Variants in TMCO5A observed in about 807,000 individuals in gnomAD.
The protein encoded by TMCO5A is transmembrane and coiled-coil domains 5A.
A neutral mutation model predicts 42.3 loss-of-function variants in TMCO5A; 34 were observed. The observed-to-expected ratio is 0.80, with a 90% CI of 0.61 to 1.07. The LOEUF is 1.07. Ranked by LOEUF, TMCO5A falls within the 50% of genes least tolerant of loss-of-function variation. TMCO5A has a pLI of 0.00. For missense variants in TMCO5A, 357 were observed against 327.9 expected (o/e 1.09, Z -0.69); for synonymous variants, 131 against 115.6 (o/e 1.13, Z -0.86).
At chr15:37,984,488 A>G in the TMCO5A span, among the ~76,000 whole-genome samples, 3 of 152,152 alleles carry the variant, frequency 2.0e-5, no homozygotes, top group South Asian at 4.1e-4. Flanking sequence ...AATATCCAGT[A>G]AAATCTGCCA....
intron 11 of TMCO5A, among the ~76,000 whole-genome samples, chr15:37,948,687 T>C (rs1240354345): frequency 6.6e-6 from 1 of 152,124 alleles, no homozygotes; most frequent in Non-Finnish European, 1.5e-5. Context: ...CCTGAAAGTC[T>C]AGCTAATCAT....
chr15:37,944,683 C>T (rs1889871235), intron 10 of TMCO5A, among the ~76,000 whole-genome samples: 1 of 152,042 alleles, frequency 6.6e-6, no homozygotes, highest in Non-Finnish European at 1.5e-5. Flanking sequence ...GTTCCTCCCA[C>T]CTCAACCTCC....
chr15:37,935,501 A>G (rs7174635), intron 2 of TMCO5A, among the ~76,000 whole-genome samples, 153 bp downstream of exon 2: 1 of 151,886 alleles, frequency 6.6e-6, no homozygotes, highest in Admixed American at 6.6e-5. Flanking sequence ...CCAAGATAGG[A>G]CTTAACTTTC....
chr15:38,036,705 C>T, the TMCO5A span, among the ~76,000 whole-genome samples: 1 of 152,110 alleles, frequency 6.6e-6, no homozygotes, highest in Non-Finnish European at 1.5e-5. Context: ...CGTCAAGACC[C>T]AACTAAAACA....
chr15:37,943,664 G>T, intron 10 of TMCO5A: 1 of 420,760 alleles, frequency 2.4e-6, no homozygotes, highest in Non-Finnish European at 4.3e-6. Flanking sequence ...ATGGAGGCAA[G>T]AAGCAACCTT....
the TMCO5A span, among the ~76,000 whole-genome samples, chr15:38,005,661 C>A: frequency 6.6e-6 from 1 of 151,994 alleles, no homozygotes; most frequent in African/African-American, 2.4e-5. Flanking sequence ...TCATACTGGG[C>A]TAAGTAGAAA....
chr15:37,997,288 T>C, the TMCO5A span, among the ~76,000 whole-genome samples: 1 of 152,218 alleles, frequency 6.6e-6, no homozygotes, highest in African/African-American at 2.4e-5. Flanking sequence ...TTTTAATGTG[T>C]AGTTGTTGCA....
At chr15:38,007,427 C>T in the TMCO5A span, among the ~76,000 whole-genome samples, 1 of 152,214 alleles carries the variant, frequency 6.6e-6, no homozygotes, top group East Asian at 1.9e-4. Context: ...CACAGCAATT[C>T]AGGAACTACA....
chr15:38,032,190 G>C, the TMCO5A span, among the ~76,000 whole-genome samples: 1 of 152,032 alleles, frequency 6.6e-6, no homozygotes, highest in African/African-American at 2.4e-5. Flanking sequence ...CCCGACCTCA[G>C]GTGATCTGCC....
chr15:37,942,391 T>C, intron 9 of TMCO5A, 136 bp downstream of exon 9: 4 of 766,302 alleles, frequency 5.2e-6, no homozygotes, highest in South Asian at 1.8e-5. Context: ...CCTCTGTTAG[T>C]GATCTGGTTG....
At chr15:37,940,303 G>A (rs980080804) in intron 6 of TMCO5A, among the ~76,000 whole-genome samples, 59 of 151,996 alleles carry the variant, frequency 3.9e-4, no homozygotes, top group African/African-American at 1.4e-3. Context: ...ACCCTGTCTC[G>A]GCCCTACCTA....
chr15:37,968,460 G>A (rs539741508), downstream of TMCO5A, among the ~76,000 whole-genome samples: 22 of 152,126 alleles, frequency 1.4e-4, no homozygotes, highest in Non-Finnish European at 2.8e-4. Context: ...TGCATCTGGA[G>A]AAGAGAAACA....
chr15:37,975,032 C>A, the TMCO5A span, among the ~76,000 whole-genome samples: 1 of 152,102 alleles, frequency 6.6e-6, no homozygotes. Flanking sequence ...TGTTTAATTT[C>A]CATGTAACAG....
chr15:37,946,276 T>C (rs1266617874), intron 10 of TMCO5A, among the ~76,000 whole-genome samples: 1 of 152,206 alleles, frequency 6.6e-6, no homozygotes, highest in African/African-American at 2.4e-5. Context: ...CCTTGTAATA[T>C]AGTTTGAAGT....
chr15:37,966,878 AAAG>A (rs1890571519), exon 12 of TMCO5A: 4 of 575,132 alleles, frequency 7.0e-6, no homozygotes, highest in Middle Eastern at 2.8e-4. Context: ...AAGAGCAGTC[AAAG>A]AAGAAGAACA....
At chr15:37,937,164 G>A (rs1257629905) in intron 4 of TMCO5A, among the ~76,000 whole-genome samples, 182 bp from the exon 5 acceptor site, 1 of 152,132 alleles carries the variant, frequency 6.6e-6, no homozygotes, top group Non-Finnish European at 1.5e-5. Context: ...GGGAAGCCCT[G>A]CAGATGGGCA....
At chr15:38,030,629 G>A in the TMCO5A span, among the ~76,000 whole-genome samples, 1 of 151,988 alleles carries the variant, frequency 6.6e-6, no homozygotes, top group African/African-American at 2.4e-5. Context: ...AAGAATAAAG[G>A]GCTCGACCTG....
the TMCO5A span, among the ~76,000 whole-genome samples, chr15:38,032,099 G>A: frequency 6.6e-6 from 1 of 152,058 alleles, no homozygotes; most frequent in African/African-American, 2.4e-5. Context: ...GGGATTACAG[G>A]CATGCACCAC....
the TMCO5A span, among the ~76,000 whole-genome samples, chr15:37,976,483 G>T: frequency 6.6e-6 from 1 of 152,092 alleles, no homozygotes; most frequent in African/African-American, 2.4e-5. Flanking sequence ...TTTCGTGGAT[G>T]ATGTCCGTAA....
Sources: gnomAD v4.1 joint callset for allele counts (sites outside exome capture counted in the v4.1 genomes callset) on GRCh38, gnomAD v4.1.1 for gene constraint, MANE v1.5 for transcripts, NCBI Gene and HGNC (gene_info 2026-07-23, HGNC 2026-07-21) for gene names.